Variants in NTRK2 observed in about 807,000 individuals in gnomAD.
NTRK2 encodes neurotrophic receptor tyrosine kinase 2.
Under a neutral mutation model 94.5 loss-of-function variants are expected in NTRK2, and 13 were observed. The ratio of observed to expected loss-of-function variants is 0.14; its 90% CI spans 0.09 to 0.22. The LOEUF (loss-of-function observed/expected upper bound fraction) is 0.22, where lower values mean the gene tolerates loss of function less well. NTRK2 is among the 10% of genes least tolerant of loss of function. NTRK2 has a pLI of 1.00. For missense variants in NTRK2, 639 were observed against 1,071.2 expected, an observed-to-expected ratio of 0.60 and a Z score of 5.63; for synonymous variants, 372 against 407.4, an observed-to-expected ratio of 0.91 and a Z score of 1.05.
At chr9:84,771,588 T>A (rs191042345) in intron 12 of NTRK2, among the ~76,000 whole-genome samples, 20 of 152,310 alleles carry the variant, frequency 1.3e-4, no homozygotes, top group East Asian at 1.2e-3. Flanking sequence ...TTCTGTATGG[T>A]GAAGTCATCA....
At chr9:84,838,385 G>C (rs1372775404) in intron 12 of NTRK2, among the ~76,000 whole-genome samples, 1 of 152,076 alleles carries the variant, frequency 6.6e-6, no homozygotes, top group Non-Finnish European at 1.5e-5. Flanking sequence ...TAAAATTGCA[G>C]AGATAATAAA....
intron 12 of NTRK2, among the ~76,000 whole-genome samples, chr9:84,795,804 T>C (rs1424909096): frequency 6.6e-6 from 1 of 152,088 alleles, no homozygotes; most frequent in Non-Finnish European, 1.5e-5. Context: ...ACATCCTCCC[T>C]CTCTTGGCCA....
intron 12 of NTRK2, among the ~76,000 whole-genome samples, chr9:84,805,562 A>G (rs1023096521): frequency 6.6e-6 from 1 of 152,248 alleles, no homozygotes; most frequent in African/African-American, 2.4e-5. Flanking sequence ...GAGAAGCAGT[A>G]GATCCTGCAT....
rs77542010 is a variant in NTRK2, at chr9:85,021,549, A to G, written c.*112A>G. ...CCAAGCTGCTCTCCTTCACTCTGACAGTATTAACATCAAAGACTCCGAGAA... is the reference window on the plus strand; with the variant it reads ...CCAAGCTGCTCTCCTTCACTCTGACGGTATTAACATCAAAGACTCCGAGAA... On this transcript the variant is annotated 3_prime_UTR_variant, in exon 19 of 19. Coordinates refer to ENST00000277120, the MANE Select transcript of NTRK2 (RefSeq NM_006180.6). The G allele has an allele frequency of 0.013, 13,993 of 1,039,378 alleles. 159 individuals carry two copies. The highest frequency in any genetic ancestry group is 0.026 in the Middle Eastern group (91 of 3,506). The allele number at this position is 1,039,378 out of a possible 1,614,324, so 64.4% of individuals were successfully genotyped here. A position where few individuals can be genotyped will look rare whatever the true frequency, so the allele number is the denominator to read the frequency against.
intron 12 of NTRK2, among the ~76,000 whole-genome samples, chr9:84,771,914 T>A (rs2066586452): frequency 6.6e-6 from 1 of 152,204 alleles, no homozygotes; most frequent in African/African-American, 2.4e-5. Flanking sequence ...AAATCTGAAA[T>A]GGTAAAGAGT....
intron 17 of NTRK2, among the ~76,000 whole-genome samples, chr9:84,973,567 GT>G (rs1483646595): frequency 2.0e-5 from 3 of 152,166 alleles, no homozygotes; most frequent in Non-Finnish European, 4.4e-5. Context: ...GACAAACATA[GT>G]ACTCCTGTTA....
At chr9:84,680,866 A>G (rs1293490843) in intron 2 of NTRK2, among the ~76,000 whole-genome samples, 1 of 152,186 alleles carries the variant, frequency 6.6e-6, no homozygotes, top group Non-Finnish European at 1.5e-5. Context: ...ACTTCTTAGC[A>G]GAACTTGGCT....
At chr9:84,683,278 C>T (rs1276704046) in intron 2 of NTRK2, among the ~76,000 whole-genome samples, 2 of 152,060 alleles carry the variant, frequency 1.3e-5, no homozygotes, top group Non-Finnish European at 2.9e-5. Context: ...CACCTATCAA[C>T]CTGTCATCTA....
chr9:84,741,430 G>A (rs1195587064), intron 9 of NTRK2, among the ~76,000 whole-genome samples: 1 of 152,158 alleles, frequency 6.6e-6, no homozygotes, highest in Non-Finnish European at 1.5e-5. Flanking sequence ...ATTATGCAGG[G>A]TGGTTAATAA....
chr9:84,902,415 A>G (rs1231480113), intron 14 of NTRK2, among the ~76,000 whole-genome samples: 1 of 152,110 alleles, frequency 6.6e-6, no homozygotes, highest in Admixed American at 6.6e-5. Context: ...GTTTCACAAC[A>G]CTTCAGGAGA....
chr9:84,774,093 T>C (rs1008927541), intron 12 of NTRK2, among the ~76,000 whole-genome samples: 1 of 152,208 alleles, frequency 6.6e-6, no homozygotes, highest in Non-Finnish European at 1.5e-5. Flanking sequence ...TGACCCTCTC[T>C]GTCTAAATAT....
chr9:85,007,338 T>C (rs1304301987), intron 17 of NTRK2, among the ~76,000 whole-genome samples: 1 of 152,170 alleles, frequency 6.6e-6, no homozygotes, highest in African/African-American at 2.4e-5. Context: ...AAGATCAAAA[T>C]GTAGGGGACC....
At chr9:84,934,108 G>A (rs2078132759) in intron 14 of NTRK2, 54 bp from the exon 15 acceptor site, 2 of 1,609,132 alleles carry the variant, frequency 1.2e-6, no homozygotes, top group African/African-American at 2.7e-5. Context: ...TTCACCCGCT[G>A]CCTTCACCTC....
intron 2 of NTRK2, among the ~76,000 whole-genome samples, chr9:84,686,103 T>C (rs981257613): frequency 6.6e-6 from 1 of 152,228 alleles, no homozygotes; most frequent in African/African-American, 2.4e-5. Flanking sequence ...GGGTCATCAA[T>C]ATGTAAATCT....
chr9:84,835,539 GAAC>G (rs963730260), intron 12 of NTRK2, among the ~76,000 whole-genome samples: 51 of 115,820 alleles, frequency 4.4e-4, no homozygotes, highest in African/African-American at 1.7e-3. Context: ...AGAACAACAA[GAAC>G]AACAACAACA....
At chr9:85,019,228 A>G (rs1446120038) in intron 17 of NTRK2, among the ~76,000 whole-genome samples, 2 of 152,188 alleles carry the variant, frequency 1.3e-5, no homozygotes, top group African/African-American at 4.8e-5. Flanking sequence ...CAGGACCCAG[A>G]GTTGTTAGAG....
At chr9:84,718,963 A>G (rs533104215) in intron 6 of NTRK2, among the ~76,000 whole-genome samples, 1 of 152,308 alleles carries the variant, frequency 6.6e-6, no homozygotes, top group African/African-American at 2.4e-5. Flanking sequence ...GACTTGGCCA[A>G]TTTTGCTCAG....
chr9:85,017,572 T>C (rs1347202155), intron 17 of NTRK2, among the ~76,000 whole-genome samples: 1 of 152,220 alleles, frequency 6.6e-6, no homozygotes, highest in Non-Finnish European at 1.5e-5. Context: ...ATTCAAATAG[T>C]TTAATTTACC....
chr9:84,802,887 A>T (rs769875219), intron 12 of NTRK2, among the ~76,000 whole-genome samples: 8 of 152,118 alleles, frequency 5.3e-5, no homozygotes, highest in Non-Finnish European at 1.2e-4. Context: ...TCGTGACGTG[A>T]ATGAGTGGGT....
Sources: allele counts gnomAD v4.1 joint callset (sites outside exome capture counted in the v4.1 genomes callset), GRCh38; gene constraint gnomAD v4.1.1; transcripts MANE v1.5; gene names NCBI Gene and HGNC (gene_info 2026-07-23, HGNC 2026-07-21).